Variants in ARMC3 observed in about 807,000 individuals in gnomAD.
ARMC3 encodes armadillo repeat-containing protein 3.
ARMC3 carries 74 observed loss-of-function variants against 90.3 expected under a neutral mutation model. The ratio of observed to expected loss-of-function variants is 0.82; its 90% CI spans 0.68 to 0.99. The LOEUF is 0.99. ARMC3 is among the 50% of genes least tolerant of loss of function. The pLI, the probability that ARMC3 is intolerant of heterozygous loss-of-function variation, is 0.00. For missense variants in ARMC3, 958 were observed against 1,042.8 expected (o/e 0.92, Z 1.12); for synonymous variants, 334 against 361.8 (o/e 0.92, Z 0.87).
chr10:23,013,966 T>A, intron 16 of ARMC3: 1 of 896,426 alleles, frequency 1.1e-6, no homozygotes, highest in South Asian at 2.7e-5. Flanking sequence ...AATTATTGAA[T>A]GCTGTTTGTT....
intron 7 of ARMC3, among the ~76,000 whole-genome samples, chr10:22,966,802 C>A (rs571489172): frequency 3.3e-5 from 5 of 152,294 alleles, no homozygotes; most frequent in African/African-American, 1.2e-4. Flanking sequence ...ACTTATAAAA[C>A]CATCAGATCT....
At chr10:22,980,364 A>G (rs1376270595) in intron 8 of ARMC3, among the ~76,000 whole-genome samples, 2 of 152,090 alleles carry the variant, frequency 1.3e-5, no homozygotes, top group African/African-American at 2.4e-5. Flanking sequence ...AAGGAACCAA[A>G]TTATTTAGTA....
At chr10:23,007,787 A>G (rs1349312616) in intron 14 of ARMC3, among the ~76,000 whole-genome samples, 1 of 151,904 alleles carries the variant, frequency 6.6e-6, no homozygotes, top group African/African-American at 2.4e-5. Context: ...TTATACAAAT[A>G]ATTTCTGTTC....
At chr10:23,013,581 A>C (rs977433762) in intron 16 of ARMC3, among the ~76,000 whole-genome samples, 1 of 152,188 alleles carries the variant, frequency 6.6e-6, no homozygotes, top group Non-Finnish European at 1.5e-5. Context: ...CACTTCTGTC[A>C]CCTCAGAGTT....
At position 22,998,194 on chromosome 10, in the gene ARMC3, T is replaced by C; in HGVS notation, c.1222T>C (p.Ser408Pro). The C allele has an allele frequency of 6.2e-7, 1 of 1,613,874 alleles. No homozygotes were observed. The highest frequency in any genetic ancestry group is 1.1e-5 in the South Asian group (1 of 91,028). ...DGIDPLINLLSSKRDGAIANA... is the reference protein window; with the variant it reads ...DGIDPLINLLPSKRDGAIANA... ...TATTGATCCATTAATAAACCTCCTG[T>C]CTAGTAAACGAGATGGAGCCATTGC... The change falls in exon 11 of 19, where the codon TCT (serine) becomes CCT (proline). Residue 408 changes from serine to proline, a missense_variant. Transcript: ENST00000298032.
intron 16 of ARMC3, among the ~76,000 whole-genome samples, chr10:23,018,990 C>T (rs958837241): frequency 2.0e-5 from 3 of 152,152 alleles, no homozygotes; most frequent in Non-Finnish European, 2.9e-5. Flanking sequence ...CTGTGGACAT[C>T]CTCCCCACTG....
At chr10:22,966,017 G>A (rs1466901845) in intron 7 of ARMC3, among the ~76,000 whole-genome samples, 6 of 152,144 alleles carry the variant, frequency 3.9e-5, no homozygotes, top group Non-Finnish European at 7.4e-5. Context: ...TTCTTTGCAT[G>A]GTTAAGAATG....
At chr10:22,981,270 T>C in intron 8 of ARMC3, 70 bp from the exon 9 acceptor site, 1 of 1,374,636 alleles carries the variant, frequency 7.3e-7, no homozygotes, top group Non-Finnish European at 9.8e-7. Flanking sequence ...AGACTTTGGA[T>C]GGGAAAGTAG....
In ARMC3 at chr10:22,944,260, GTCTT is replaced by G. The variant is rs1834437334; in HGVS notation, c.49-1879_49-1876del. On this transcript the variant is annotated intron_variant, in intron 2 of 18. Transcript: ENST00000298032. ...GGAAAGGTATAGGTCATTTGCTGAG[GTCTT>G]TCTTCTTATTATTCAATATTATTTC... Among the ~76,000 whole-genome samples, 11 of 152,156 alleles carry G rather than the reference GTCTT, an allele frequency of 7.2e-5. No homozygotes were observed. The South Asian group carries it at 2.3e-3, about 32-fold the overall frequency.
rs1384171575 is a variant in ARMC3 at position 22,978,564 on chromosome 10, C to T, written c.917-2776C>T. On this transcript the variant is annotated intron_variant, in intron 8 of 18. Coordinates refer to ENST00000298032, the MANE Select transcript of ARMC3 (RefSeq NM_173081.5). The stretch of plus-strand genomic sequence containing the variant: ...ATCATTTGTCTACTTTGTATATAAA[C>T]TCCTGCCTGCTTTGACCTCTATCTG... 2.6e-5 allele frequency among the ~76,000 whole-genome samples: 4 copies of T among 152,168 alleles called. No individual in the cohort carries two copies. In the East Asian group the frequency reaches 7.7e-4, roughly 29 times the overall value.
At position 22,946,279 on chromosome 10, in the gene ARMC3, T is replaced by A; in HGVS notation, c.166+18T>A. On this transcript the variant is annotated intron_variant, in intron 3 of 18. Transcript: ENST00000298032. ...TTTAAAAGGTTTGGATTTTTTTCAGTTTATCTTTCTGTTTCATTAATTTCT... is the reference window on the plus strand; with the variant it reads ...TTTAAAAGGTTTGGATTTTTTTCAGATTATCTTTCTGTTTCATTAATTTCT... 6.7e-7 allele frequency: 1 copy of A among 1,501,888 alleles called. No individual in the cohort carries two copies. Among genetic ancestry groups the A allele is most frequent in the Non-Finnish European group, 9.2e-7 (1 of 1,085,148 alleles). 93.0% of individuals were successfully genotyped at this position (1,501,888 alleles called of 1,614,324 possible). A position where few individuals can be genotyped will look rare whatever the true frequency, so the allele number is the denominator to read the frequency against.
Position 23,001,767 on chromosome 10 carries a change from C to A in ARMC3, c.1426-152C>A, listed in dbSNP as rs1271334845. On this transcript the variant is annotated intron_variant, in intron 11 of 18. Transcript: ENST00000298032. ...GTAAGGGTTTGCAATAGATTTTTCA[C>A]CCCTGAATTTAATAAACCTAAAGAT... 22 of 998,108 alleles carry A rather than the reference C, an allele frequency of 2.2e-5. No homozygotes were observed. The Middle Eastern group carries it at 1.0e-3, about 46-fold the overall frequency. 61.8% of individuals were successfully genotyped at this position (998,108 alleles called of 1,614,324 possible). A position where few individuals can be genotyped will look rare whatever the true frequency, so the allele number is the denominator to read the frequency against.
At chr10:22,946,597 C>T (rs1294055094) in intron 3 of ARMC3, 1 of 175,286 alleles carries the variant, frequency 5.7e-6, no homozygotes, top group Non-Finnish European at 1.2e-5. Context: ...GGCTTATCAT[C>T]CAAGTGGAAA....
chr10:22,957,989 G>A (rs1014889526), intron 4 of ARMC3, among the ~76,000 whole-genome samples: 1 of 152,150 alleles, frequency 6.6e-6, no homozygotes, highest in African/African-American at 2.4e-5. Flanking sequence ...TTGAGCTCAG[G>A]AGATTGAGGC....
chr10:23,009,530 C>T (rs1197328314), intron 16 of ARMC3, among the ~76,000 whole-genome samples: 2 of 152,136 alleles, frequency 1.3e-5, no homozygotes, highest in African/African-American at 4.8e-5. Flanking sequence ...CTCGCTCTGT[C>T]GCCCAGGCTG....
Position 22,946,203 on chromosome 10 carries a change from T to G in ARMC3, c.108T>G (p.Ser36=), listed in dbSNP as rs1284398314. ...KAATVVLMLN[S]PEEEILAKAC... is the part of the protein sequence containing the mutation. ...CAACTGTGGTGTTAATGCTTAATTC[T>G]CCAGAAGAGGAAATTTTGGCTAAAG... The change falls in exon 3 of 19, where the codon TCT becomes TCG. Residue 36 remains serine (S), a synonymous_variant. Transcript: ENST00000298032. 6.2e-7 allele frequency: 1 copy of G among 1,613,372 alleles called. No homozygotes were observed.
chr10:23,002,809 A>G (rs1472657521), intron 12 of ARMC3, among the ~76,000 whole-genome samples: 2 of 152,018 alleles, frequency 1.3e-5, no homozygotes, highest in Admixed American at 6.6e-5. Context: ...CCTGACCTCA[A>G]GTGATCTGCC....
Position 22,959,138 on chromosome 10 carries a change from G to A in ARMC3, c.361G>A (p.Glu121Lys). 6.2e-7 allele frequency: 1 copy of A among 1,611,458 alleles called. No homozygotes were observed. Among genetic ancestry groups the A allele is most frequent in the Non-Finnish European group, 8.5e-7 (1 of 1,177,616 alleles). The stretch of plus-strand genomic sequence containing the variant: ...TGTCATTGCCCAGCTCGCTCCAGAA[G>A]GTAACTTTGCATTCTATATCTGTTT... ...NSVIAQLAPE[E>K]EVVIHEFASL... The change falls in exon 5 of 19, where the codon GAA becomes AAA. Residue 121 changes from glutamate (E) to lysine (K), a missense_variant and splice_region_variant. By Grantham distance (56) the Glu-to-Lys change is moderately conservative. Transcript: ENST00000298032.
intron 18 of ARMC3, among the ~76,000 whole-genome samples, chr10:23,036,509 A>T (rs149158105): frequency 1.2e-4 from 19 of 152,246 alleles, no homozygotes; most frequent in African/African-American, 4.6e-4. Context: ...TCTTCCTAAT[A>T]CCTTATGAAG....
Sources: gnomAD v4.1 joint callset for allele counts (sites outside exome capture counted in the v4.1 genomes callset) on GRCh38, gnomAD v4.1.1 for gene constraint, MANE v1.5 for transcripts, NCBI Gene and HGNC (gene_info 2026-07-23, HGNC 2026-07-21) for gene names.